MCPH1: variants seen among roughly 807,000 people sequenced by gnomAD.
The protein encoded by MCPH1 is microcephalin.
MCPH1 carries 104 observed loss-of-function variants against 84.5 expected under a neutral mutation model. The observed-to-expected ratio is 1.23, with a 90% confidence interval of 1.05 to 1.45. The LOEUF (loss-of-function observed/expected upper bound fraction) is 1.45, where lower values mean the gene tolerates loss of function less well. MCPH1 is among the 40% of genes most tolerant of loss of function. MCPH1 has a pLI of 0.00. For synonymous variants in MCPH1, 514 were observed against 366.8 expected (o/e 1.40, Z -4.58); for missense variants, 1,498 against 1,005.7 (o/e 1.49, Z -6.62).
intron 12 of MCPH1, among the ~76,000 whole-genome samples, chr8:6,571,353 T>C (rs567928601): frequency 6.6e-6 from 1 of 152,362 alleles, no homozygotes; most frequent in African/African-American, 2.4e-5. Context: ...AACACCATAT[T>C]TCATTAGTGG....
intron 9 of MCPH1, 98 bp from the exon 10 acceptor site, chr8:6,477,496 T>C (rs889359801): frequency 3.7e-6 from 4 of 1,084,134 alleles, no homozygotes; most frequent in African/African-American, 1.6e-5. Flanking sequence ...TTTTAAGTGA[T>C]GTAACTTTTC....
intron 13 of MCPH1, among the ~76,000 whole-genome samples, chr8:6,633,575 C>A (rs1330029283): frequency 6.6e-6 from 1 of 152,144 alleles, no homozygotes; most frequent in Non-Finnish European, 1.5e-5. Context: ...AGTCAAAGCA[C>A]AGGTGCACGA....
At chr8:6,539,340 T>C (rs1258561103) in intron 12 of MCPH1, among the ~76,000 whole-genome samples, 4 of 152,300 alleles carry the variant, frequency 2.6e-5, no homozygotes, top group Middle Eastern at 3.4e-3. Context: ...TGACTGTTTT[T>C]ATAGTCTTGG....
chr8:6,515,467 C>G (rs1213237726), intron 12 of MCPH1, among the ~76,000 whole-genome samples: 3 of 152,154 alleles, frequency 2.0e-5, no homozygotes, highest in African/African-American at 4.8e-5. Context: ...AGCTCACTGC[C>G]CACAGTTTTT....
At chr8:6,513,658 A>T in intron 12 of MCPH1, 1 of 1,587,540 alleles carries the variant, frequency 6.3e-7, no homozygotes, top group Non-Finnish European at 8.6e-7. Context: ...TTTTCTTTCA[A>T]TTACCATGAA....
At chr8:6,481,791 C>A (rs1376900703) in intron 11 of MCPH1, among the ~76,000 whole-genome samples, 1 of 152,168 alleles carries the variant, frequency 6.6e-6, no homozygotes, top group African/African-American at 2.4e-5. Flanking sequence ...TGGGGGATCA[C>A]CTTACCTGAT....
intron 10 of MCPH1, among the ~76,000 whole-genome samples, chr8:6,479,014 C>T (rs1808835797): frequency 6.6e-6 from 1 of 152,176 alleles, no homozygotes; most frequent in Non-Finnish European, 1.5e-5. Context: ...GCTATAATCC[C>T]AGCACTTTGA....
At chr8:6,553,715 T>A (rs911345052) in intron 12 of MCPH1, among the ~76,000 whole-genome samples, 23 of 151,984 alleles carry the variant, frequency 1.5e-4, no homozygotes, top group East Asian at 3.9e-4. Flanking sequence ...TTGGTGGTCT[T>A]GGGGCCTACG....
chr8:6,587,202 T>C (rs1828062569), intron 12 of MCPH1, among the ~76,000 whole-genome samples: 1 of 152,026 alleles, frequency 6.6e-6, no homozygotes, highest in Admixed American at 6.6e-5. Context: ...TAATAATAAT[T>C]TGAAAGGAAA....
intron 13 of MCPH1, among the ~76,000 whole-genome samples, chr8:6,623,688 C>CAAAAAAAAAAAAAAAAAAAAAAAA (rs377522481): frequency 1.1e-5 from 1 of 92,420 alleles, no homozygotes; most frequent in African/African-American, 4.6e-5. Context: ...AACCAACTTC[C>CAAAAAAAAAAAAAAAAAAAAAAAA]AAAAAAAAAA....
intron 12 of MCPH1, among the ~76,000 whole-genome samples, chr8:6,546,869 T>C (rs547313303): frequency 3.1e-4 from 47 of 152,302 alleles, no homozygotes; most frequent in Admixed American, 9.2e-4. Context: ...AACTAATAAA[T>C]TGTGTAAGAC....
intron 12 of MCPH1, chr8:6,502,398 T>G (rs1179323419): frequency 6.6e-6 from 1 of 152,254 alleles, no homozygotes; most frequent in Non-Finnish European, 1.5e-5. Context: ...GGCACGTTTC[T>G]GTTGATAATT....
chr8:6,456,465 A>G (rs150990292), intron 9 of MCPH1, among the ~76,000 whole-genome samples: 1,619 of 152,214 alleles, frequency 0.011, 14 homozygotes, highest in Middle Eastern at 0.027. Flanking sequence ...GTTCATTTGG[A>G]AAGAAATAAA....
At chr8:6,461,490 C>G (rs567765123) in intron 9 of MCPH1, among the ~76,000 whole-genome samples, 37 of 142,170 alleles carry the variant, frequency 2.6e-4, no homozygotes, top group African/African-American at 9.3e-4. Context: ...CCATGCCCAG[C>G]TAATTTTTCT....
chr8:6,581,165 G>A (rs1222618700), intron 12 of MCPH1, among the ~76,000 whole-genome samples: 2 of 152,134 alleles, frequency 1.3e-5, no homozygotes, highest in African/African-American at 4.8e-5. Flanking sequence ...TGGGGGTCTT[G>A]GAACCCCACA....
At chr8:6,468,312 GC>G (rs1554500808) in intron 9 of MCPH1, among the ~76,000 whole-genome samples, 1 of 152,114 alleles carries the variant, frequency 6.6e-6, no homozygotes, top group Non-Finnish European at 1.5e-5. Flanking sequence ...ACCTGTGCAT[GC>G]CCCCTATGCT....
chr8:6,492,141 G>T (rs1311114117), intron 11 of MCPH1, among the ~76,000 whole-genome samples: 2 of 152,184 alleles, frequency 1.3e-5, no homozygotes, highest in Non-Finnish European at 2.9e-5. Context: ...AGCACCTGTT[G>T]TTTCCTGACT....
chr8:6,462,625 G>T (rs1182152122), intron 9 of MCPH1, among the ~76,000 whole-genome samples: 4 of 152,220 alleles, frequency 2.6e-5, no homozygotes, highest in African/African-American at 9.6e-5. Flanking sequence ...CCCAGAGCCA[G>T]ATGCCTGGGT....
intron 12 of MCPH1, among the ~76,000 whole-genome samples, chr8:6,555,119 C>G (rs1414189469): frequency 6.6e-6 from 1 of 152,002 alleles, no homozygotes; most frequent in African/African-American, 2.4e-5. Context: ...ATTTTTTTTA[C>G]TCTTTTTATT....
Sources: gnomAD v4.1 joint callset for allele counts (sites outside exome capture counted in the v4.1 genomes callset) on GRCh38, gnomAD v4.1.1 for gene constraint, MANE v1.5 for transcripts, NCBI Gene and HGNC (gene_info 2026-07-23, HGNC 2026-07-21) for gene names.